UBE2U: variants seen among roughly 807,000 people sequenced by gnomAD.
The protein encoded by UBE2U is ubiquitin-conjugating enzyme E2 U.
Under a neutral mutation model 41.2 loss-of-function variants are expected in UBE2U, and 39 were observed. The ratio of observed to expected loss-of-function variants is 0.95; its 90% CI spans 0.73 to 1.24. The LOEUF (loss-of-function observed/expected upper bound fraction) is 1.24, where lower values mean the gene tolerates loss of function less well. Ranked by LOEUF, UBE2U falls within the 50% of genes most tolerant of loss-of-function variation. The probability of loss-of-function intolerance (pLI) is 0.00; values close to 1 mark genes in which losing one functional copy is unlikely to be tolerated. For missense variants in UBE2U, 336 were observed against 363.1 expected (o/e 0.93, Z 0.61); for synonymous variants, 107 against 117.8 (o/e 0.91, Z 0.60).
In UBE2U at chr1:64,240,870, C is replaced by T. The variant is rs370762399; in HGVS notation, c.596-782C>T. On this transcript the variant is annotated intron_variant, in intron 7 of 9. Transcript: ENST00000371077. ...TCTGACTACTGAGTAGCTGGGATTA[C>T]GGGTGTGTCCCACCACGCCTGGCTA... 3.9e-4 allele frequency among the ~76,000 whole-genome samples: 60 copies of T among 152,180 alleles called. 2 individuals are homozygous for T. The East Asian group carries it at 6.0e-3, about 15-fold the overall frequency.
intron 8 of UBE2U, among the ~76,000 whole-genome samples, chr1:64,260,048 G>A (rs148557280): frequency 4.6e-5 from 7 of 151,864 alleles, no homozygotes; most frequent in East Asian, 1.9e-4. Flanking sequence ...AGACCCACAC[G>A]GAAAAGGTCA....
intron 8 of UBE2U, among the ~76,000 whole-genome samples, chr1:64,260,216 C>T (rs1309765386): frequency 6.6e-6 from 1 of 152,138 alleles, no homozygotes; most frequent in African/African-American, 2.4e-5. Context: ...TCCCCAACAT[C>T]TAGCTTCCAG....
In UBE2U at chr1:64,205,403, G is replaced by T. The variant is rs578023082; in HGVS notation, c.67-236G>T. Among the ~76,000 whole-genome samples, 27 of 152,222 alleles carry T rather than the reference G, an allele frequency of 1.8e-4. 1 individual carries two copies. In the East Asian group the frequency reaches 4.6e-3, roughly 26 times the overall value. On this transcript the variant is annotated intron_variant, in intron 1 of 9. Transcript: ENST00000371077. The stretch of plus-strand genomic sequence containing the variant: ...TAATCTTGACTCTCTAGTCCCACTT[G>T]TGATTTCCACACTTATGATTTATTT...
At position 64,216,651 on chromosome 1, in the gene UBE2U, G is replaced by A. The variant is rs907466063; in HGVS notation, c.457+1719G>A. 3.3e-5 allele frequency among the ~76,000 whole-genome samples: 5 copies of A among 152,360 alleles called. No individual in the cohort carries two copies. In the East Asian group the frequency reaches 7.7e-4, roughly 24 times the overall value. On this transcript the variant is annotated intron_variant, in intron 5 of 9. Coordinates refer to ENST00000371077, the MANE Select transcript of UBE2U (RefSeq NM_001366232.2). The stretch of plus-strand genomic sequence containing the variant: ...TATCAGGGACTTTACTCCGTGATCA[G>A]TTGTCTGGAATTAATTTTATTGTCC...
intron 9 of UBE2U, among the ~76,000 whole-genome samples, chr1:64,262,651 G>C (rs939497127): frequency 3.3e-5 from 5 of 152,172 alleles, no homozygotes; most frequent in African/African-American, 1.2e-4. Context: ...AGAGTCTTTA[G>C]AGCAAGTCTG....
Position 64,244,251 on chromosome 1 carries a change from T to C in UBE2U, c.677+2518T>C, listed in dbSNP as rs576587697. On this transcript the variant is annotated intron_variant, in intron 8 of 9. Coordinates refer to ENST00000371077, the MANE Select transcript of UBE2U (RefSeq NM_001366232.2). Reference sequence around the variant, plus strand: ...TTTTATCTGTTAAATGGAGATAACCTTACCTATCTTGCAAAGTTGTTTTGC... The same window carrying C: ...TTTTATCTGTTAAATGGAGATAACCCTACCTATCTTGCAAAGTTGTTTTGC... 4.9e-5 allele frequency: 68 copies of C among 1,393,646 alleles called. No homozygotes were observed. The African/African-American group carries it at 9.2e-4, about 19-fold the overall frequency. 86.3% of individuals were successfully genotyped at this position (1,393,646 alleles called of 1,614,324 possible).
intron 8 of UBE2U, among the ~76,000 whole-genome samples, chr1:64,251,857 C>T (rs1645016422): frequency 6.6e-6 from 1 of 152,156 alleles, no homozygotes; most frequent in Non-Finnish European, 1.5e-5. Flanking sequence ...CCATACATTC[C>T]CCTAGGAAGG....
At chr1:64,239,125 A>AGGAAGAGGAAGAGGAAGAGGAAGAG (rs1491143270) in intron 7 of UBE2U, among the ~76,000 whole-genome samples, 1 of 24,358 alleles carries the variant, frequency 4.1e-5, no homozygotes, top group South Asian at 2.6e-3. Flanking sequence ...AAGAAGAAGA[A>AGGAAGAGGAAGAGGAAGAGGAAGAG]GAAGAAGAAG....
intron 8 of UBE2U, among the ~76,000 whole-genome samples, chr1:64,253,444 A>G (rs1247428737): frequency 6.6e-6 from 1 of 152,128 alleles, no homozygotes; most frequent in Non-Finnish European, 1.5e-5. Flanking sequence ...AGGAAGATCA[A>G]CCCCAAGACA....
intron 6 of UBE2U, among the ~76,000 whole-genome samples, chr1:64,221,529 A>C (rs1008720858): frequency 2.0e-5 from 3 of 152,140 alleles, no homozygotes; most frequent in African/African-American, 7.3e-5. Flanking sequence ...GTCTAGATAA[A>C]AATGGTAAGA....
Position 64,256,303 on chromosome 1 carries a change from G to C in UBE2U, c.678-4300G>C, listed in dbSNP as rs544861241. 5.3e-5 allele frequency among the ~76,000 whole-genome samples: 8 copies of C among 152,094 alleles called. No homozygotes were observed. The East Asian group carries it at 9.7e-4, about 18-fold the overall frequency. ...ATGTATGGACCAAAAAAGAACCCAA[G>C]TAGCCAAGACAATCCTAAGCAAAAA... On this transcript the variant is annotated intron_variant, in intron 8 of 9. Transcript: ENST00000371077.
intron 8 of UBE2U, among the ~76,000 whole-genome samples, chr1:64,244,841 G>T (rs913696722): frequency 1.3e-5 from 2 of 152,150 alleles, no homozygotes; most frequent in African/African-American, 4.8e-5. Context: ...ATGGTGCCTG[G>T]CAAATAGTAG....
chr1:64,204,601 C>G (rs1413034776), intron 1 of UBE2U, among the ~76,000 whole-genome samples: 1 of 152,216 alleles, frequency 6.6e-6, no homozygotes, highest in Non-Finnish European at 1.5e-5. Flanking sequence ...CAGCATGACA[C>G]ATAAATGCCT....
rs543322142 is a variant in UBE2U, at chr1:64,251,758, A to G, written c.678-8845A>G. ...CCCCTGCTACCAGGGCCTTGGGTCC[A>G]ATATACAGAGCTGTGTGTAATCTTA... On this transcript the variant is annotated intron_variant, in intron 8 of 9. Coordinates refer to ENST00000371077, the MANE Select transcript of UBE2U (RefSeq NM_001366232.2). Among the ~76,000 whole-genome samples the G allele has an allele frequency of 9.9e-5, 15 of 152,284 alleles. 1 individual carries two copies. In the South Asian group the frequency reaches 3.1e-3, roughly 32 times the overall value.
chr1:64,266,978 C>T, intron 9 of UBE2U, 46 bp from the exon 10 acceptor site: 1 of 1,485,726 alleles, frequency 6.7e-7, no homozygotes, highest in Non-Finnish European at 9.1e-7. Context: ...TATTGTTTTT[C>T]TTATTATGTC....
chr1:64,265,736 AC>A (rs774008169), intron 9 of UBE2U, among the ~76,000 whole-genome samples: 90 of 152,060 alleles, frequency 5.9e-4, no homozygotes, highest in East Asian at 3.3e-3. Context: ...CTGCCACCAC[AC>A]CCGGCTAATT....
At chr1:64,233,198 G>T (rs1344670422) in intron 7 of UBE2U, among the ~76,000 whole-genome samples, 1 of 151,904 alleles carries the variant, frequency 6.6e-6, no homozygotes, top group Admixed American at 6.6e-5. Context: ...TAATAGAGAC[G>T]GGGTTTCAGT....
At chr1:64,236,078 T>C (rs971367069) in intron 7 of UBE2U, among the ~76,000 whole-genome samples, 4 of 152,204 alleles carry the variant, frequency 2.6e-5, no homozygotes, top group African/African-American at 9.6e-5. Context: ...TGCCATTTAC[T>C]GGCTGTGTGA....
At chr1:64,217,333 T>A (rs924084) in intron 5 of UBE2U, among the ~76,000 whole-genome samples, 24,319 of 152,180 alleles carry the variant, frequency 0.16, 1,961 homozygotes, top group South Asian at 0.24. Flanking sequence ...ATTGTTCAAC[T>A]AGTTTATGAA....
Sources: gnomAD v4.1 joint callset for allele counts (sites outside exome capture counted in the v4.1 genomes callset) on GRCh38, gnomAD v4.1.1 for gene constraint, MANE v1.5 for transcripts, NCBI Gene and HGNC (gene_info 2026-07-23, HGNC 2026-07-21) for gene names.